HDAC4: variants seen among roughly 807,000 people sequenced by gnomAD.
HDAC4 encodes histone deacetylase A.
A neutral mutation model predicts 135.1 loss-of-function variants in HDAC4; 16 were observed. The observed-to-expected ratio is 0.12, with a 90% confidence interval of 0.08 to 0.18. The LOEUF is 0.18. Ranked by LOEUF, HDAC4 falls within the 10% of genes least tolerant of loss-of-function variation. The pLI, the probability that HDAC4 is intolerant of heterozygous loss-of-function variation, is 1.00. For missense variants in HDAC4, 1,143 were observed against 1,511.8 expected, an observed-to-expected ratio of 0.76 and a Z score of 4.05; for synonymous variants, 685 against 653.4, an observed-to-expected ratio of 1.05 and a Z score of -0.74.
At chr2:239,082,273 G>A (rs2152687973) in intron 20 of HDAC4, 52 bp from the exon 21 acceptor site, 2 of 1,612,978 alleles carry the variant, frequency 1.2e-6, no homozygotes, top group Non-Finnish European at 1.7e-6. Context: ...TTGGAGGGTG[G>A]CCTCCCCTGA....
chr2:239,136,174 T>C (rs1480632415), intron 9 of HDAC4, among the ~76,000 whole-genome samples: 1 of 152,214 alleles, frequency 6.6e-6, no homozygotes, highest in African/African-American at 2.4e-5. Flanking sequence ...GTTTGGCAGA[T>C]AGAAATCCCC....
chr2:239,338,247 C>T (rs529153664), intron 2 of HDAC4, among the ~76,000 whole-genome samples: 1 of 152,174 alleles, frequency 6.6e-6, no homozygotes, highest in East Asian at 1.9e-4. Flanking sequence ...GACTCAAAGC[C>T]AGTGCAGTGA....
At chr2:239,395,233 T>G (rs1288081129) in intron 1 of HDAC4, among the ~76,000 whole-genome samples, 1 of 152,142 alleles carries the variant, frequency 6.6e-6, no homozygotes, top group East Asian at 1.9e-4. Flanking sequence ...GAGGCCAGGA[T>G]CAGGCAGGCC....
At chr2:239,277,637 G>C (rs1051467636) in intron 2 of HDAC4, among the ~76,000 whole-genome samples, 2 of 152,178 alleles carry the variant, frequency 1.3e-5, no homozygotes, top group African/African-American at 4.8e-5. Flanking sequence ...AGTGAGGCCA[G>C]TTCTAGCTGC....
intron 1 of HDAC4, among the ~76,000 whole-genome samples, chr2:239,387,473 T>G (rs1383870555): frequency 6.6e-6 from 1 of 152,084 alleles, no homozygotes; most frequent in African/African-American, 2.4e-5. Context: ...AACCTCCTCT[T>G]AGAGGTGTGC....
At chr2:239,238,058 G>T (rs2047986271) in intron 2 of HDAC4, among the ~76,000 whole-genome samples, 1 of 151,972 alleles carries the variant, frequency 6.6e-6, no homozygotes. Flanking sequence ...CACATTCCAG[G>T]GCTTTCTCAA....
chr2:239,223,795 G>A (rs1198595526), intron 3 of HDAC4, among the ~76,000 whole-genome samples: 5 of 151,662 alleles, frequency 3.3e-5, no homozygotes, highest in Admixed American at 3.3e-4. Context: ...TTGCCAGCAG[G>A]AACACTTTAC....
chr2:239,111,758 C>T (rs1371019517), intron 13 of HDAC4, 46 bp from the exon 14 acceptor site: 5 of 1,529,884 alleles, frequency 3.3e-6, no homozygotes, highest in Non-Finnish European at 4.4e-6. Context: ...ATGTCTCCCG[C>T]CCCTGGGCTG....
intron 3 of HDAC4, among the ~76,000 whole-genome samples, chr2:239,221,044 G>A (rs1223616729): frequency 6.6e-6 from 1 of 152,158 alleles, no homozygotes; most frequent in African/African-American, 2.4e-5. Flanking sequence ...CATTCTGCGG[G>A]CGGTGGCGTG....
At chr2:239,359,651 G>A (rs186365314) in intron 1 of HDAC4, among the ~76,000 whole-genome samples, 2 of 152,170 alleles carry the variant, frequency 1.3e-5, no homozygotes, top group Admixed American at 6.5e-5. Flanking sequence ...CTCAGCCTTC[G>A]GGTCACCTTT....
intron 19 of HDAC4, among the ~76,000 whole-genome samples, chr2:239,085,664 A>G (rs1249181691): frequency 1.3e-5 from 2 of 152,236 alleles, no homozygotes; most frequent in East Asian, 1.9e-4. Context: ...AGGTAAAGCT[A>G]CAAAGATTCC....
intron 16 of HDAC4, among the ~76,000 whole-genome samples, chr2:239,095,838 C>T (rs1015532588): frequency 6.6e-6 from 1 of 152,194 alleles, no homozygotes; most frequent in South Asian, 2.1e-4. Flanking sequence ...TAACCAGGGG[C>T]GGGACCTACC....
rs2030629598 is a variant in HDAC4, at chr2:239,050,238, G to GAATT, written c.*2855_*2858dup. 6.6e-6 allele frequency: 1 copy of GAATT among 152,164 alleles called. No individual in the cohort carries two copies. The highest frequency in any genetic ancestry group is 1.5e-5 in the Non-Finnish European group (1 of 68,024). 9.4% of individuals were successfully genotyped at this position (152,164 alleles called of 1,614,324 possible). On this transcript the variant is annotated 3_prime_UTR_variant, in exon 27 of 27. Transcript: ENST00000543185. ...GGGCGTCTCCATTTGAATGAGATTA[G>GAATT]AATTAAGTCCCCCCACTGATAACCT...
At chr2:239,233,371 G>C (rs1219264166) in intron 3 of HDAC4, among the ~76,000 whole-genome samples, 1 of 151,792 alleles carries the variant, frequency 6.6e-6, no homozygotes. Flanking sequence ...GACACTCAAA[G>C]GCAATGCTCA....
At chr2:239,055,094 A>G in intron 24 of HDAC4, 1 of 415,606 alleles carries the variant, frequency 2.4e-6, no homozygotes, top group Non-Finnish European at 4.5e-6. Context: ...AGTCCCCAGG[A>G]GTGGGGCTGG....
At chr2:239,116,040 T>G (rs1343150581) in intron 12 of HDAC4, among the ~76,000 whole-genome samples, 4 of 152,078 alleles carry the variant, frequency 2.6e-5, no homozygotes, top group African/African-American at 9.7e-5. Flanking sequence ...CGACCTCTTT[T>G]CCTGTTGGAT....
intron 2 of HDAC4, among the ~76,000 whole-genome samples, chr2:239,278,630 C>T (rs187048965): frequency 1.1e-3 from 163 of 152,314 alleles, no homozygotes; most frequent in African/African-American, 3.8e-3. Flanking sequence ...CGAGATCATG[C>T]CACTGTACTC....
At chr2:239,171,819 T>G (rs1169074871) in intron 5 of HDAC4, among the ~76,000 whole-genome samples, 1 of 152,064 alleles carries the variant, frequency 6.6e-6, no homozygotes, top group African/African-American at 2.4e-5. Flanking sequence ...AGATTAACAA[T>G]GGAAGTCAGA....
chr2:239,241,331 C>G (rs1424514515), intron 2 of HDAC4, among the ~76,000 whole-genome samples: 2 of 152,200 alleles, frequency 1.3e-5, no homozygotes, highest in Non-Finnish European at 2.9e-5. Context: ...TAGTCCTGCC[C>G]AGGTTGGGGT....
Sources: allele counts gnomAD v4.1 joint callset (sites outside exome capture counted in the v4.1 genomes callset), GRCh38; gene constraint gnomAD v4.1.1; transcripts MANE v1.5; gene names NCBI Gene and HGNC (gene_info 2026-07-23, HGNC 2026-07-21).